GRIA2: variants seen among roughly 807,000 people sequenced by gnomAD.
GRIA2 encodes the protein glutamate receptor 2.
In GRIA2, 14 loss-of-function variants were observed where a neutral mutation model predicts 97.3. The observed-to-expected ratio is 0.14, with a 90% CI of 0.10 to 0.23. The LOEUF (loss-of-function observed/expected upper bound fraction) is 0.23. GRIA2 is among the 10% of genes least tolerant of loss of function. The probability of loss-of-function intolerance (pLI) is 1.00; values close to 1 mark genes in which losing one functional copy is unlikely to be tolerated. For missense variants in GRIA2, 558 were observed against 1,069.8 expected, an observed-to-expected ratio of 0.52 and a Z score of 6.67; for synonymous variants, 412 against 387.8, an observed-to-expected ratio of 1.06 and a Z score of -0.73.
At chr4:157,283,039 T>G (rs1206894664) in intron 2 of GRIA2, among the ~76,000 whole-genome samples, 1 of 152,058 alleles carries the variant, frequency 6.6e-6, no homozygotes, top group East Asian at 1.9e-4. Context: ...AAATGTGAGG[T>G]TTTAGACTAT....
rs117927933 is a variant in GRIA2 at position 157,237,850 on chromosome 4, G to T, written c.229+16043G>T. 7.9e-5 allele frequency among the ~76,000 whole-genome samples: 12 copies of T among 152,136 alleles called. No individual in the cohort carries two copies. In the East Asian group the frequency reaches 2.3e-3, roughly 29 times the overall value. ...ATGTTATTATGTTTTTTTGGCTTGT[G>T]TCATAGCAGTAATATCACTTAAATG... On this transcript the variant is annotated intron_variant, in intron 2 of 15. Coordinates refer to ENST00000264426, the MANE Select transcript of GRIA2 (RefSeq NM_001083619.3).
At chr4:157,360,268 C>T in intron 13 of GRIA2, 125 bp downstream of exon 13, 1 of 883,996 alleles carries the variant, frequency 1.1e-6, no homozygotes, top group Non-Finnish European at 1.7e-6. Context: ...CAAAAATGAC[C>T]AAAAAACGTT....
intron 2 of GRIA2, among the ~76,000 whole-genome samples, chr4:157,296,649 T>C (rs1733361505): frequency 6.6e-6 from 1 of 152,102 alleles, no homozygotes; most frequent in African/African-American, 2.4e-5. Flanking sequence ...GATCAGAGAC[T>C]CTTCTACCAG....
At chr4:157,233,707 A>C (rs2126699221) in intron 2 of GRIA2, among the ~76,000 whole-genome samples, 1 of 152,260 alleles carries the variant, frequency 6.6e-6, no homozygotes, top group Non-Finnish European at 1.5e-5. Flanking sequence ...TTACTGATAT[A>C]AAACCTAAAC....
At chr4:157,307,790 G>A (rs112534799) in intron 3 of GRIA2, among the ~76,000 whole-genome samples, 29 of 152,196 alleles carry the variant, frequency 1.9e-4, no homozygotes, top group African/African-American at 6.3e-4. Context: ...TTTCAATATC[G>A]AGCAATATTA....
chr4:157,221,566 G>T, intron 1 of GRIA2, 101 bp from the exon 2 acceptor site: 1 of 1,216,510 alleles, frequency 8.2e-7, no homozygotes, highest in Middle Eastern at 2.3e-4. Context: ...GCCTATTCGC[G>T]TGAATAAGAG....
intron 12 of GRIA2, among the ~76,000 whole-genome samples, chr4:157,348,930 T>G (rs1241382805): frequency 2.6e-5 from 4 of 152,226 alleles, no homozygotes; most frequent in Non-Finnish European, 5.9e-5. Context: ...TTTTCTTAAC[T>G]GTGTATAAAA....
At chr4:157,265,059 C>T (rs1731708100) in intron 2 of GRIA2, among the ~76,000 whole-genome samples, 1 of 152,024 alleles carries the variant, frequency 6.6e-6, no homozygotes, top group African/African-American at 2.4e-5. Flanking sequence ...AGCCCAGCAT[C>T]TTTTATTATT....
intron 12 of GRIA2, among the ~76,000 whole-genome samples, chr4:157,348,089 C>T (rs1046689904): frequency 2.6e-5 from 4 of 151,086 alleles, no homozygotes; most frequent in African/African-American, 9.7e-5. Context: ...GCACTCCAGC[C>T]GGGCAACAGA....
At chr4:157,309,860 G>A (rs1039178670) in intron 3 of GRIA2, among the ~76,000 whole-genome samples, 1 of 152,094 alleles carries the variant, frequency 6.6e-6, no homozygotes. Flanking sequence ...AATGAAATAA[G>A]CTATTTCAGA....
At chr4:157,293,197 T>C (rs1220303618) in intron 2 of GRIA2, among the ~76,000 whole-genome samples, 1 of 152,150 alleles carries the variant, frequency 6.6e-6, no homozygotes, top group Non-Finnish European at 1.5e-5. Context: ...ATCCTACTTT[T>C]AATAATCTGT....
rs532872736 is a variant in GRIA2 at position 157,361,016 on chromosome 4, G to A, written c.2298G>A (p.Ala766=). Residue 766 remains alanine (A), a synonymous_variant, in exon 14 of 16, where the codon GCG becomes GCA. Coordinates refer to ENST00000264426, the MANE Select transcript of GRIA2 (RefSeq NM_001083619.3). This position sits in a 1 kb window ranked among gnomAD's most constrained non-coding sequence, Gnocchi z 5.2. ...ATPKGSSLRN[A]VNLAVLKLNE... ...TATGTTTTATCGTTTCAAGAAATGC[G>A]GTTAACCTCGCAGTACTAAAACTGA... The A allele has an allele frequency of 8.7e-6, 14 of 1,604,524 alleles. No homozygotes were observed. The highest frequency in any genetic ancestry group is 5.5e-5 in the South Asian group (5 of 90,862).
intron 12 of GRIA2, chr4:157,342,561 T>C (rs1437713313): frequency 2.5e-6 from 1 of 407,916 alleles, no homozygotes; most frequent in African/African-American, 2.2e-5. Context: ...GTAATGTAGA[T>C]TTCTTACTAA....
intron 2 of GRIA2, among the ~76,000 whole-genome samples, chr4:157,271,917 T>C (rs1732044861): frequency 1.3e-5 from 2 of 152,108 alleles, no homozygotes; most frequent in South Asian, 2.1e-4. Context: ...AGTATCGTAC[T>C]TTCTGTGCTT....
chr4:157,243,003 G>A (rs1053896949), intron 2 of GRIA2, among the ~76,000 whole-genome samples: 2 of 151,982 alleles, frequency 1.3e-5, no homozygotes, highest in Admixed American at 6.6e-5. Flanking sequence ...CTAACAAAAA[G>A]TGCAAAGATG....
intron 12 of GRIA2, among the ~76,000 whole-genome samples, chr4:157,356,830 A>C (rs1481650229): frequency 3.9e-5 from 6 of 151,946 alleles, no homozygotes; most frequent in Admixed American, 3.9e-4. Context: ...TGTGCTCCCC[A>C]GTGCATCAGG....
rs936596013 is a variant in GRIA2, at chr4:157,361,359, C to G, written c.2406+235C>G. ...AATGGATTTGTTGCAAACTGTTGCACCTGCTGGTTACTTCCAGCGATACAT... is the reference window on the plus strand; with the variant it reads ...AATGGATTTGTTGCAAACTGTTGCAGCTGCTGGTTACTTCCAGCGATACAT... On this transcript the variant is annotated intron_variant, in intron 14 of 15. Coordinates refer to ENST00000264426, the MANE Select transcript of GRIA2 (RefSeq NM_001083619.3). This position sits in a 1 kb window ranked among gnomAD's most constrained non-coding sequence, Gnocchi z 5.2. 6.6e-6 allele frequency among the ~76,000 whole-genome samples: 1 copy of G among 152,168 alleles called. No homozygotes were observed. The highest frequency in any genetic ancestry group is 2.4e-5 in the African/African-American group (1 of 41,440).
chr4:157,316,705 A>G (rs1734339096), intron 4 of GRIA2, among the ~76,000 whole-genome samples: 1 of 152,198 alleles, frequency 6.6e-6, no homozygotes, highest in Non-Finnish European at 1.5e-5. Flanking sequence ...TTGCAAGATC[A>G]TTGGACTTTG....
rs548678851 is a variant in GRIA2, at chr4:157,325,150, C to T, written c.882+3551C>T. 5.9e-5 allele frequency among the ~76,000 whole-genome samples: 9 copies of T among 152,148 alleles called. No individual in the cohort carries two copies. In the South Asian group the frequency reaches 8.3e-4, roughly 14 times the overall value. ...GAGTAATAAATAAATGATTGTTCAA[C>T]GTTTTCATCTTCCCCTAAAGTTAAA... On this transcript the variant is annotated intron_variant, in intron 6 of 15. Transcript: ENST00000264426.
Sources: gnomAD v4.1 joint callset for allele counts (sites outside exome capture counted in the v4.1 genomes callset) on GRCh38, gnomAD v4.1.1 for gene constraint, Gnocchi (gnomAD v3.1) non-coding constraint, MANE v1.5 for transcripts, NCBI Gene and HGNC (gene_info 2026-07-23, HGNC 2026-07-21) for gene names.